Variants in TNFRSF13B observed in about 807,000 individuals in gnomAD.
TNFRSF13B encodes the protein TNF receptor superfamily member 13B.
Under a neutral mutation model 24.0 loss-of-function variants are expected in TNFRSF13B, and 34 were observed. That is an observed-to-expected ratio of 1.41 (90% CI 1.08 to 1.88). The LOEUF is 1.88. TNFRSF13B is among the 40% of genes most tolerant of loss of function. The pLI, the probability that TNFRSF13B is intolerant of heterozygous loss-of-function variation, is 0.00. For synonymous variants in TNFRSF13B, 173 were observed against 150.3 expected (o/e 1.15, Z -1.10); for missense variants, 415 against 380.8 (o/e 1.09, Z -0.75).
chr17:16,969,572 G>A (rs1477888273), intron 1 of TNFRSF13B, among the ~76,000 whole-genome samples: 2 of 152,164 alleles, frequency 1.3e-5, no homozygotes, highest in Non-Finnish European at 2.9e-5. Flanking sequence ...TCTTTTTGGG[G>A]TCATCAAAAT....
chr17:16,950,913 G>C (rs1296946874), intron 2 of TNFRSF13B, among the ~76,000 whole-genome samples: 1 of 152,136 alleles, frequency 6.6e-6, no homozygotes, highest in African/African-American at 2.4e-5. Flanking sequence ...CTTCCTCTAG[G>C]GACACCTCCC....
chr17:16,968,796 T>C (rs79474552), intron 1 of TNFRSF13B, among the ~76,000 whole-genome samples: 2 of 152,190 alleles, frequency 1.3e-5, no homozygotes, highest in African/African-American at 4.8e-5. Context: ...GTTCAAATAT[T>C]ATACCTGAAA....
chr17:16,958,177 C>T (rs1024164911), intron 1 of TNFRSF13B, among the ~76,000 whole-genome samples: 10 of 151,366 alleles, frequency 6.6e-5, no homozygotes, highest in Non-Finnish European at 1.5e-4. Context: ...CAAACTAGGA[C>T]GTCATAAGTT....
intron 1 of TNFRSF13B, among the ~76,000 whole-genome samples, chr17:16,967,573 C>T (rs552544113): frequency 3.0e-4 from 45 of 150,056 alleles, no homozygotes; most frequent in African/African-American, 7.6e-4. Flanking sequence ...AGTGAAACCC[C>T]GTCTCTACTA....
At chr17:16,945,347 G>A (rs2087540244) in intron 3 of TNFRSF13B, among the ~76,000 whole-genome samples, 1 of 152,218 alleles carries the variant, frequency 6.6e-6, no homozygotes, top group Non-Finnish European at 1.5e-5. Flanking sequence ...CCTTGTCCCA[G>A]GGGCAACAGT....
At chr17:16,970,225 G>T (rs1255599815) in intron 1 of TNFRSF13B, among the ~76,000 whole-genome samples, 1 of 152,214 alleles carries the variant, frequency 6.6e-6, no homozygotes, top group African/African-American at 2.4e-5. Context: ...ATAGAAGCTT[G>T]AGAGAGAAGC....
At chr17:16,953,447 A>C (rs1028848887) in intron 1 of TNFRSF13B, among the ~76,000 whole-genome samples, 1 of 152,150 alleles carries the variant, frequency 6.6e-6, no homozygotes, top group Non-Finnish European at 1.5e-5. Flanking sequence ...CCACATGGAG[A>C]TGTAGGACAT....
At chr17:16,944,505 A>C (rs922498741) in intron 3 of TNFRSF13B, among the ~76,000 whole-genome samples, 2 of 151,406 alleles carry the variant, frequency 1.3e-5, no homozygotes, top group African/African-American at 2.4e-5. Context: ...CTGGCTCCAC[A>C]CTCCACACCC....
intron 1 of TNFRSF13B, among the ~76,000 whole-genome samples, chr17:16,968,915 C>A (rs1023364460): frequency 2.0e-5 from 3 of 152,098 alleles, no homozygotes; most frequent in East Asian, 1.9e-4. Flanking sequence ...CCCAAAAAAA[C>A]CATATAAATG....
chr17:16,964,090 T>G (rs2087682557), intron 1 of TNFRSF13B, among the ~76,000 whole-genome samples: 1 of 148,218 alleles, frequency 6.7e-6, no homozygotes, highest in African/African-American at 2.5e-5. Context: ...AAAAGAAGGA[T>G]GAGGAAGAGG....
intron 1 of TNFRSF13B, among the ~76,000 whole-genome samples, chr17:16,956,037 T>C (rs1305054831): frequency 6.6e-6 from 1 of 152,224 alleles, no homozygotes; most frequent in Non-Finnish European, 1.5e-5. Flanking sequence ...CTGAAGTGGC[T>C]TCCACGGGAT....
At chr17:16,964,984 C>T (rs2087689681) in intron 1 of TNFRSF13B, among the ~76,000 whole-genome samples, 1 of 152,024 alleles carries the variant, frequency 6.6e-6, no homozygotes, top group South Asian at 2.1e-4. Context: ...TGGCCCAAGA[C>T]ATGGCTGCTG....
intron 4 of TNFRSF13B, 71 bp downstream of exon 4, chr17:16,940,255 G>A: frequency 6.2e-7 from 1 of 1,611,316 alleles, no homozygotes; most frequent in Middle Eastern, 2.2e-4. Flanking sequence ...GCAGTGACAG[G>A]ACCGAGGGAT....
chr17:16,972,041 C>A lies in TNFRSF13B; in HGVS notation c.35G>T (p.Arg12Leu), dbSNP rs754315707. 2 of 1,614,090 alleles carry A rather than the reference C, an allele frequency of 1.2e-6. No homozygotes were observed. Among genetic ancestry groups the A allele is most frequent in the East Asian group, 4.5e-5 (2 of 44,880 alleles). The change falls in exon 1 of 5, where the codon CGG becomes CTG. Residue 12 changes from arginine to leucine, a missense_variant. Coordinates refer to ENST00000261652, the MANE Select transcript of TNFRSF13B (RefSeq NM_012452.3). ...SGLGRSRRGGRSRVDQEERFP... is the reference protein window; with the variant it reads ...SGLGRSRRGGLSRVDQEERFP... ...GCGCTCCTCCTGGTCCACACGGCTC[C>A]GGCCACCTCGCCTGCTCCGGCCCAG...
chr17:16,962,283 G>T (rs1255697522), intron 1 of TNFRSF13B, among the ~76,000 whole-genome samples: 1 of 149,820 alleles, frequency 6.7e-6, no homozygotes, highest in Non-Finnish European at 1.5e-5. Context: ...AAGGCAGGTG[G>T]ATCATTTGAG....
At chr17:16,962,905 T>C (rs1469989159) in intron 1 of TNFRSF13B, among the ~76,000 whole-genome samples, 3 of 152,144 alleles carry the variant, frequency 2.0e-5, no homozygotes, top group Non-Finnish European at 4.4e-5. Context: ...CCAAGTTAAG[T>C]TCTCACCTTA....
At chr17:16,943,004 T>G (rs1268856704) in intron 3 of TNFRSF13B, among the ~76,000 whole-genome samples, 1 of 152,136 alleles carries the variant, frequency 6.6e-6, no homozygotes, top group Non-Finnish European at 1.5e-5. Flanking sequence ...GAAGTCCAAC[T>G]GGAGAGTCCC....
chr17:16,971,014 T>C (rs2087739763), intron 1 of TNFRSF13B, among the ~76,000 whole-genome samples: 1 of 152,188 alleles, frequency 6.6e-6, no homozygotes, highest in Non-Finnish European at 1.5e-5. Context: ...CTAAAGGACC[T>C]GGGGCCCTTT....
At chr17:16,957,018 G>T (rs768228462) in intron 1 of TNFRSF13B, among the ~76,000 whole-genome samples, 9 of 152,006 alleles carry the variant, frequency 5.9e-5, no homozygotes, top group Non-Finnish European at 1.0e-4. Context: ...AAATGATAAC[G>T]ACGTGTCAGT....
Sources: allele counts gnomAD v4.1 joint callset (sites outside exome capture counted in the v4.1 genomes callset), GRCh38; gene constraint gnomAD v4.1.1; transcripts MANE v1.5; gene names NCBI Gene and HGNC (gene_info 2026-07-23, HGNC 2026-07-21).